SLC30A7: variants seen among roughly 807,000 people sequenced by gnomAD.
SLC30A7 encodes zinc transporter 7.
A neutral mutation model predicts 46.0 loss-of-function variants in SLC30A7; 35 were observed. The ratio of observed to expected loss-of-function variants is 0.76; its 90% confidence interval spans 0.58 to 1.01. The LOEUF is 1.01. SLC30A7 is among the 50% of genes least tolerant of loss of function. The probability of loss-of-function intolerance (pLI) is 0.00; values close to 1 mark genes in which losing one functional copy is unlikely to be tolerated. For missense variants in SLC30A7, 464 were observed against 451.1 expected (o/e 1.03, Z -0.26); for synonymous variants, 147 against 157.8 (o/e 0.93, Z 0.51).
intron 8 of SLC30A7, among the ~76,000 whole-genome samples, chr1:100,942,727 A>G (rs1425892337): frequency 6.6e-6 from 1 of 152,248 alleles, no homozygotes; most frequent in Non-Finnish European, 1.5e-5. Flanking sequence ...AGGCTGGTTT[A>G]TGAGTTATAA....
At chr1:100,966,770 T>C (rs1223118167) in intron 10 of SLC30A7, among the ~76,000 whole-genome samples, 1 of 152,204 alleles carries the variant, frequency 6.6e-6, no homozygotes, top group East Asian at 1.9e-4. Flanking sequence ...TTATAAGATA[T>C]GTTAGGTACT....
chr1:100,961,175 A>C (rs1047174180), intron 8 of SLC30A7, among the ~76,000 whole-genome samples: 4 of 150,776 alleles, frequency 2.7e-5, no homozygotes, highest in Admixed American at 1.3e-4. Flanking sequence ...GTTAGCCAGG[A>C]TGGTCTCGAT....
chr1:100,965,144 TG>T (rs1348300921), intron 9 of SLC30A7, among the ~76,000 whole-genome samples: 2 of 152,218 alleles, frequency 1.3e-5, no homozygotes, highest in South Asian at 4.1e-4. Context: ...GCCATCAAGT[TG>T]GTATTACAGC....
At chr1:100,949,844 C>T (rs1558000158) in intron 8 of SLC30A7, among the ~76,000 whole-genome samples, 2 of 152,374 alleles carry the variant, frequency 1.3e-5, no homozygotes, top group East Asian at 3.9e-4. Flanking sequence ...ATCTCCTGGT[C>T]TGCCGGTTGC....
At position 100,921,618 on chromosome 1, in the gene SLC30A7, T is replaced by C. The variant is rs553929249; in HGVS notation, c.707-88T>C. On this transcript the variant is annotated intron_variant, in intron 7 of 10. Coordinates refer to ENST00000357650, the MANE Select transcript of SLC30A7 (RefSeq NM_133496.5). ...TGAAGTTGATATCTAGTTTTTTATA[T>C]ATAAAATTAAGAGTATAGCTCTAGG... 3.7e-5 allele frequency: 37 copies of C among 1,002,506 alleles called. No individual in the cohort carries two copies. In the South Asian group the frequency reaches 3.9e-4, roughly 11 times the overall value. The allele number at this position is 1,002,506 out of a possible 1,614,324, so 62.1% of individuals were successfully genotyped here.
chr1:100,897,565 A>G lies in SLC30A7; in HGVS notation c.182+894A>G, dbSNP rs1351372037. Among the ~76,000 whole-genome samples, 5 of 152,124 alleles carry G rather than the reference A, an allele frequency of 3.3e-5. No individual in the cohort carries two copies. In the South Asian group the frequency reaches 1.0e-3, roughly 31 times the overall value. On this transcript the variant is annotated intron_variant, in intron 2 of 10. Coordinates refer to ENST00000357650, the MANE Select transcript of SLC30A7 (RefSeq NM_133496.5). ...ACTCTAGATTAAGAACCTGTTTTCT[A>G]TTTATTAAATAGACTTAGTCTCTGT...
chr1:100,992,681 A>G, the SLC30A7 span: 1 of 1,613,970 alleles, frequency 6.2e-7, no homozygotes, highest in South Asian at 1.1e-5. Context: ...AATCTCCAGA[A>G]GCTGCTGGGC....
Position 100,976,866 on chromosome 1 carries a change from A to T in SLC30A7, c.*2009A>T, listed in dbSNP as rs1656552428. The T allele has an allele frequency of 6.6e-6, 1 of 152,538 alleles. No individual in the cohort carries two copies. The highest frequency in any genetic ancestry group is 1.5e-5 in the Non-Finnish European group (1 of 68,026). 9.4% of individuals were successfully genotyped at this position (152,538 alleles called of 1,614,324 possible). ...CCGCAGGCAAAGTGGCATTTTCTAA[A>T]CATGTTTGCTTACTGCCAGGTGGTT... On this transcript the variant is annotated 3_prime_UTR_variant, in exon 11 of 11. Transcript: ENST00000357650.
At chr1:100,915,640 C>T (rs1256992773) in intron 6 of SLC30A7, among the ~76,000 whole-genome samples, 2 of 152,074 alleles carry the variant, frequency 1.3e-5, no homozygotes, top group African/African-American at 2.4e-5. Flanking sequence ...AATGATATTC[C>T]GTTGTATGTA....
At chr1:100,941,808 G>C (rs553506637) in intron 8 of SLC30A7, 18 of 570,920 alleles carry the variant, frequency 3.2e-5, no homozygotes, top group Admixed American at 1.6e-4. Flanking sequence ...AGTGGCATAC[G>C]TGACAAACCC....
chr1:100,954,129 T>C (rs546349329), intron 8 of SLC30A7, among the ~76,000 whole-genome samples: 1 of 152,308 alleles, frequency 6.6e-6, no homozygotes, highest in East Asian at 1.9e-4. Context: ...TAAGTGGTTA[T>C]TATGTTCTAA....
chr1:100,960,883 T>A (rs1655498920), intron 8 of SLC30A7, among the ~76,000 whole-genome samples: 4 of 151,732 alleles, frequency 2.6e-5, no homozygotes, highest in Admixed American at 2.6e-4. Context: ...ATTGGATATG[T>A]GCTAGATTAG....
intron 3 of SLC30A7, among the ~76,000 whole-genome samples, chr1:100,908,465 A>C (rs925059524): frequency 6.6e-6 from 1 of 152,190 alleles, no homozygotes; most frequent in Non-Finnish European, 1.5e-5. Flanking sequence ...GCCAAAAAGG[A>C]GATGTGGAGT....
chr1:100,900,990 A>G (rs1009285246), intron 2 of SLC30A7, among the ~76,000 whole-genome samples: 2 of 152,166 alleles, frequency 1.3e-5, no homozygotes, highest in Non-Finnish European at 2.9e-5. Context: ...TTATCAATAC[A>G]TGGTCTATCT....
At chr1:100,896,694 TG>T (rs755714898) in intron 2 of SLC30A7, 23 bp downstream of exon 2, 13 of 1,602,954 alleles carry the variant, frequency 8.1e-6, no homozygotes, top group African/African-American at 1.3e-5. Flanking sequence ...GAAAATGGTT[TG>T]GGCGGAAGCT....
chr1:100,934,917 G>T (rs1653860262), intron 8 of SLC30A7, among the ~76,000 whole-genome samples: 1 of 152,038 alleles, frequency 6.6e-6, no homozygotes, highest in African/African-American at 2.4e-5. Context: ...GATCGCTTGA[G>T]CTTGGGAAGT....
chr1:100,976,463 G>A lies in SLC30A7; in HGVS notation c.*1606G>A, dbSNP rs776881147. 15 of 152,100 alleles carry A rather than the reference G, an allele frequency of 9.9e-5. No individual in the cohort carries two copies. Among genetic ancestry groups the A allele is most frequent in the African/African-American group, 3.4e-4 (14 of 41,426 alleles). 9.4% of individuals were successfully genotyped at this position (152,100 alleles called of 1,614,324 possible). ...CTGAGTTGATTTTCTAGGTTCTTAC[G>A]TATTTGAAAAATAAAATTGCAATTC... On this transcript the variant is annotated 3_prime_UTR_variant, in exon 11 of 11. Transcript: ENST00000357650.
intron 10 of SLC30A7, among the ~76,000 whole-genome samples, chr1:100,970,661 C>T (rs1656106285): frequency 3.5e-5 from 5 of 142,334 alleles, no homozygotes; most frequent in South Asian, 2.2e-4. Context: ...GAGAGTTTAC[C>T]TTTTGTGTTT....
rs780163776 is a variant in SLC30A7, at chr1:100,974,878, A to C, written c.*21A>C. 1 of 1,595,344 alleles carries C rather than the reference A, an allele frequency of 6.3e-7. No homozygotes were observed. The highest frequency in any genetic ancestry group is 8.6e-7 in the Non-Finnish European group (1 of 1,166,718). ...TGTAGTGAATGGAAAGAAATTATGC[A>C]CCTTTTATGGACCAAATTTTTCTGG... On this transcript the variant is annotated 3_prime_UTR_variant, in exon 11 of 11. Coordinates refer to ENST00000357650, the MANE Select transcript of SLC30A7 (RefSeq NM_133496.5).
Sources: gnomAD v4.1 joint callset for allele counts (sites outside exome capture counted in the v4.1 genomes callset) on GRCh38, gnomAD v4.1.1 for gene constraint, MANE v1.5 for transcripts, NCBI Gene and HGNC (gene_info 2026-07-23, HGNC 2026-07-21) for gene names.